MRAP2: variants seen among roughly 807,000 people sequenced by gnomAD.
MRAP2 encodes the protein melanocortin-2 receptor accessory protein 2.
Under a neutral mutation model 17.4 loss-of-function variants are expected in MRAP2, and 20 were observed. The observed-to-expected ratio is 1.15, with a 90% CI of 0.81 to 1.67. The LOEUF (loss-of-function observed/expected upper bound fraction) is 1.67. MRAP2 is among the 40% of genes most tolerant of loss of function. MRAP2 has a pLI of 0.00. For missense variants in MRAP2, 238 were observed against 240.0 expected, an observed-to-expected ratio of 0.99 and a Z score of 0.05; for synonymous variants, 96 against 88.4, an observed-to-expected ratio of 1.09 and a Z score of -0.48.
At chr6:84,080,691 A>G (rs1361615228) in intron 3 of MRAP2, among the ~76,000 whole-genome samples, 9 of 152,334 alleles carry the variant, frequency 5.9e-5, no homozygotes, top group Admixed American at 2.0e-4. Context: ...GTCCAGCATT[A>G]TTCTGTTAGG....
chr6:84,069,779 T>G (rs1363285237), intron 3 of MRAP2, among the ~76,000 whole-genome samples: 1 of 152,194 alleles, frequency 6.6e-6, no homozygotes, highest in Non-Finnish European at 1.5e-5. Flanking sequence ...TGCTTGTTAT[T>G]GGTCTGTTCA....
intron 3 of MRAP2, among the ~76,000 whole-genome samples, chr6:84,068,225 G>A (rs1040298653): frequency 2.0e-5 from 3 of 152,072 alleles, no homozygotes; most frequent in Non-Finnish European, 2.9e-5. Context: ...TGGGTTCTCT[G>A]TTCTGTTTCA....
the MRAP2 span, among the ~76,000 whole-genome samples, chr6:84,107,809 T>C: frequency 6.6e-6 from 1 of 152,264 alleles, no homozygotes; most frequent in Non-Finnish European, 1.5e-5. Context: ...AATAGCTGCA[T>C]ACAGCTCCCA....
intron 1 of MRAP2, 128 bp downstream of exon 1, chr6:84,034,011 G>C (rs1318606722): frequency 4.2e-6 from 3 of 714,738 alleles, no homozygotes; most frequent in Non-Finnish European, 5.1e-6. Context: ...AGAGGGGCTA[G>C]AGAATGGGGT....
chr6:84,100,041 G>C, the MRAP2 span, among the ~76,000 whole-genome samples: 1 of 151,958 alleles, frequency 6.6e-6, no homozygotes, highest in Non-Finnish European at 1.5e-5. Context: ...TACATTTTTA[G>C]TAGGGATGGG....
chr6:84,106,786 C>G, the MRAP2 span, among the ~76,000 whole-genome samples: 1 of 152,088 alleles, frequency 6.6e-6, no homozygotes, highest in Admixed American at 6.6e-5. Flanking sequence ...CACTTATATA[C>G]CATTTCCATT....
At chr6:84,053,725 A>G (rs2099491028) in intron 1 of MRAP2, among the ~76,000 whole-genome samples, 2 of 152,132 alleles carry the variant, frequency 1.3e-5, no homozygotes, top group African/African-American at 4.8e-5. Context: ...TTTTATGGCA[A>G]CTCCATGAAG....
chr6:84,033,974 C>T, intron 1 of MRAP2, 91 bp downstream of exon 1: 1 of 954,774 alleles, frequency 1.0e-6, no homozygotes, highest in Middle Eastern at 5.3e-4. Flanking sequence ...GCAGGGCTTG[C>T]TTGGGTTTGG....
chr6:84,055,427 G>A lies in MRAP2; in HGVS notation c.109G>A (p.Gly37Arg), dbSNP rs770462868. ...TGAGATTGGACCAGTTTCCTTTGAA[G>A]GACTGAAGGCTCATAAATGTAAGTT... The part of the protein sequence containing the change: ...YYEIGPVSFE[G>R]LKAHKYSIVI... The change falls in exon 2 of 4, where the codon GGA becomes AGA. Residue 37 changes from glycine to arginine, a missense_variant. Gly to Arg is a moderately radical substitution (Grantham distance 125, BLOSUM62 -2). Transcript: ENST00000257776. 3.7e-6 allele frequency: 6 copies of A among 1,612,558 alleles called. No individual in the cohort carries two copies. Among genetic ancestry groups the A allele is most frequent in the Non-Finnish European group, 5.1e-6 (6 of 1,179,590 alleles).
At chr6:84,055,206 A>G (rs868172950) in intron 1 of MRAP2, 106 bp from the exon 2 acceptor site, 2 of 1,347,730 alleles carry the variant, frequency 1.5e-6, no homozygotes, top group Middle Eastern at 1.9e-4. Context: ...GACCTCCTCA[A>G]GGGGTTTGCT....
chr6:84,114,555 C>T, the MRAP2 span, among the ~76,000 whole-genome samples: 1 of 152,022 alleles, frequency 6.6e-6, no homozygotes, highest in African/African-American at 2.4e-5. Flanking sequence ...TGTTATTACC[C>T]ACCTTCTGAA....
the MRAP2 span, among the ~76,000 whole-genome samples, chr6:84,104,091 AC>A: frequency 2.0e-4 from 30 of 152,344 alleles, 2 homozygotes; most frequent in South Asian, 1.9e-3. Context: ...AAGCAGGTAT[AC>A]ATGGGAAAGA....
downstream of MRAP2, among the ~76,000 whole-genome samples, chr6:84,091,239 CTTTTTTTTTTTTT>C (rs34508361): frequency 2.8e-5 from 3 of 108,066 alleles, no homozygotes; most frequent in Non-Finnish European, 5.3e-5. Context: ...AGTTTGTTAA[CTTTTTTTTTTTTT>C]TTTTTTTTTT....
the MRAP2 span, among the ~76,000 whole-genome samples, chr6:84,111,458 T>C: frequency 6.6e-6 from 1 of 152,252 alleles, no homozygotes; most frequent in African/African-American, 2.4e-5. Context: ...TGATTTTGTA[T>C]ACTGAGACTT....
At chr6:84,047,781 C>A (rs1562873275) in intron 1 of MRAP2, among the ~76,000 whole-genome samples, 1 of 152,146 alleles carries the variant, frequency 6.6e-6, no homozygotes, top group Non-Finnish European at 1.5e-5. Context: ...AAAGTATTTG[C>A]AAAAACCACA....
intron 1 of MRAP2, among the ~76,000 whole-genome samples, chr6:84,043,706 G>A (rs1339728588): frequency 6.6e-6 from 1 of 151,962 alleles, no homozygotes; most frequent in African/African-American, 2.4e-5. Flanking sequence ...AAAGAATGAA[G>A]TTCATTGTGT....
chr6:84,137,105 G>C, the MRAP2 span, among the ~76,000 whole-genome samples: 5 of 152,296 alleles, frequency 3.3e-5, no homozygotes, highest in East Asian at 9.7e-4. Flanking sequence ...GTCATACCTG[G>C]CAGGTGGTAT....
chr6:84,090,816 A>T lies in MRAP2; in HGVS notation c.*1335A>T, dbSNP rs2099501643. ...GGCAAGCTGTTAACCTCTGGGTGGC[A>T]TTTTCATTATGAATTTGTTCACCAC... is the stretch of plus-strand genomic sequence containing the variant. On this transcript the variant is annotated 3_prime_UTR_variant, in exon 4 of 4. Coordinates refer to ENST00000257776, the MANE Select transcript of MRAP2 (RefSeq NM_138409.4). 6.6e-6 allele frequency: 1 copy of T among 152,184 alleles called. No individual in the cohort carries two copies. Among genetic ancestry groups the T allele is most frequent in the Non-Finnish European group, 1.5e-5 (1 of 68,030 alleles). The allele number at this position is 152,184 out of a possible 1,614,324, so 9.4% of individuals were successfully genotyped here.
intron 3 of MRAP2, among the ~76,000 whole-genome samples, chr6:84,085,667 G>A (rs1042926335): frequency 6.6e-5 from 10 of 152,194 alleles, no homozygotes; most frequent in Middle Eastern, 3.4e-3. Context: ...TTTTAACCCA[G>A]GCATGCAGAT....
Sources: gnomAD v4.1 joint callset for allele counts (sites outside exome capture counted in the v4.1 genomes callset) on GRCh38, gnomAD v4.1.1 for gene constraint, MANE v1.5 for transcripts, NCBI Gene and HGNC (gene_info 2026-07-23, HGNC 2026-07-21) for gene names.